CNTN3: variants seen among roughly 807,000 people sequenced by gnomAD.
CNTN3 encodes contactin 3.
In CNTN3, 60 loss-of-function variants were observed where a neutral mutation model predicts 119.1. That is an observed-to-expected ratio of 0.50 (90% CI 0.41 to 0.62). The LOEUF (loss-of-function observed/expected upper bound fraction) is 0.62. Ranked by LOEUF, CNTN3 falls within the 20% of genes least tolerant of loss-of-function variation. The pLI is 0.00. For synonymous variants in CNTN3, 450 were observed against 438.7 expected (o/e 1.03, Z -0.32); for missense variants, 1,101 against 1,242.4 (o/e 0.89, Z 1.71).
chr3:74,344,526 C>G (rs1703639202), intron 11 of CNTN3, among the ~76,000 whole-genome samples: 1 of 135,188 alleles, frequency 7.4e-6, no homozygotes, highest in African/African-American at 2.8e-5. Context: ...CCCGAGTTCA[C>G]GCCATTCTCC....
chr3:74,459,655 T>A (rs954090672), intron 4 of CNTN3, among the ~76,000 whole-genome samples: 1 of 151,952 alleles, frequency 6.6e-6, no homozygotes, highest in Non-Finnish European at 1.5e-5. Context: ...GCTGAAACTC[T>A]TTTCCTCTAC....
intron 22 of CNTN3, 104 bp downstream of exon 22, chr3:74,266,377 G>C: frequency 8.3e-7 from 1 of 1,205,456 alleles, no homozygotes; most frequent in South Asian, 1.6e-5. Flanking sequence ...TTGGATGTAA[G>C]CCTTGCTGGA....
At chr3:74,593,332 T>C (rs773714316) in intron 1 of CNTN3, among the ~76,000 whole-genome samples, 1 of 151,974 alleles carries the variant, frequency 6.6e-6, no homozygotes, top group Non-Finnish European at 1.5e-5. Flanking sequence ...ATTTTCTCTA[T>C]TGTTTCGTAA....
rs150208536 is a variant in CNTN3 at position 74,368,767 on chromosome 3, G to T, written c.946+422C>A. The stretch of plus-strand genomic sequence containing the variant: ...ACAAGAGCCAGAGTTCACGTGGTTT[G>T]TTTAATACAGTAATTGCAACTTTTC... On this transcript the variant is annotated intron_variant, in intron 8 of 22. Coordinates refer to ENST00000263665, the MANE Select transcript of CNTN3 (RefSeq NM_020872.3). Among the ~76,000 whole-genome samples the T allele has an allele frequency of 9.9e-3, 1,489 of 150,366 alleles. 10 individuals are homozygous for T. Among genetic ancestry groups the T allele is most frequent in the East Asian group, 0.026 (135 of 5,098 alleles).
chr3:74,375,406 G>A (rs1470872946), intron 5 of CNTN3, among the ~76,000 whole-genome samples: 2 of 152,064 alleles, frequency 1.3e-5, no homozygotes, highest in South Asian at 2.1e-4. Context: ...GGTGGGGTAG[G>A]CAGAATAAAT....
At chr3:74,326,081 G>T (rs1160528895) in intron 13 of CNTN3, among the ~76,000 whole-genome samples, 1 of 152,050 alleles carries the variant, frequency 6.6e-6, no homozygotes, top group Non-Finnish European at 1.5e-5. Flanking sequence ...ATGTGTGCCT[G>T]CTTTATTTCA....
At chr3:74,504,459 T>TG (rs1372863329) in intron 2 of CNTN3, among the ~76,000 whole-genome samples, 2 of 152,172 alleles carry the variant, frequency 1.3e-5, no homozygotes, top group African/African-American at 4.8e-5. Context: ...TTTTAAAAGA[T>TG]GGAAACTTTT....
chr3:74,423,162 C>T (rs1041945975), intron 5 of CNTN3, among the ~76,000 whole-genome samples: 5 of 152,180 alleles, frequency 3.3e-5, no homozygotes, highest in East Asian at 1.9e-4. Flanking sequence ...CTGAATCCAA[C>T]GGATTGAGTT....
intron 1 of CNTN3, among the ~76,000 whole-genome samples, chr3:74,596,506 A>G (rs977578456): frequency 1.3e-5 from 2 of 152,146 alleles, no homozygotes; most frequent in Non-Finnish European, 2.9e-5. Context: ...TCAATGCAAC[A>G]GAACAGAGCC....
At chr3:74,442,312 A>G (rs891687514) in intron 4 of CNTN3, among the ~76,000 whole-genome samples, 5 of 152,084 alleles carry the variant, frequency 3.3e-5, no homozygotes, top group African/African-American at 7.2e-5. Flanking sequence ...GCTAAGGTCT[A>G]TCACTAAACA....
At chr3:74,499,057 T>C (rs940060996) in intron 3 of CNTN3, among the ~76,000 whole-genome samples, 1 of 107,648 alleles carries the variant, frequency 9.3e-6, no homozygotes, top group South Asian at 3.8e-4. Flanking sequence ...GGTGGGAGTA[T>C]GGATTTTTTT....
At chr3:74,558,584 C>A (rs563700125) in intron 1 of CNTN3, among the ~76,000 whole-genome samples, 1 of 152,200 alleles carries the variant, frequency 6.6e-6, no homozygotes, top group Non-Finnish European at 1.5e-5. Context: ...GTGTATTAAA[C>A]CTGAATTTGA....
Position 74,486,579 on chromosome 3 carries a change from A to G in CNTN3, c.235T>C (p.Leu79=), listed in dbSNP as rs1276484305. The G allele has an allele frequency of 1.9e-6, 3 of 1,608,602 alleles. No homozygotes were observed. The highest frequency in any genetic ancestry group is 8.5e-7 in the Non-Finnish European group (1 of 1,178,852). Residue 79 remains leucine, a synonymous_variant, in exon 4 of 23, where the codon TTG becomes CTG. Transcript: ENST00000263665. ...IDMSMEHRYK[L]NGGNLVVINP... is the part of the protein sequence containing the mutation. ...ATAACCACAAGATTTCCTCCATTCA[A>G]CTTATAACGATGTTCCATACTCATA...
chr3:74,327,216 C>T (rs1318766909), intron 13 of CNTN3, among the ~76,000 whole-genome samples: 1 of 151,040 alleles, frequency 6.6e-6, no homozygotes, highest in Non-Finnish European at 1.5e-5. Flanking sequence ...GCAACCTCTC[C>T]CTCCTGAGTT....
intron 12 of CNTN3, among the ~76,000 whole-genome samples, 175 bp downstream of exon 12, chr3:74,336,356 T>G (rs1559552751): frequency 6.6e-6 from 1 of 152,174 alleles, no homozygotes; most frequent in Non-Finnish European, 1.5e-5. Context: ...CACACTGTGC[T>G]GTGCTAAGGA....
intron 13 of CNTN3, among the ~76,000 whole-genome samples, chr3:74,324,473 C>T (rs573224994): frequency 5.4e-4 from 82 of 152,208 alleles, no homozygotes; most frequent in Middle Eastern, 6.8e-3. Context: ...TGAGCCACCA[C>T]GCTCGGCCAA....
At position 74,429,235 on chromosome 3, in the gene CNTN3, T is replaced by C. The variant is rs138360849; in HGVS notation, c.359-4295A>G. Among the ~76,000 whole-genome samples, 963 of 152,094 alleles carry C rather than the reference T, an allele frequency of 6.3e-3. 23 individuals are homozygous for C. Among genetic ancestry groups the C allele is most frequent in the African/African-American group, 0.022 (924 of 41,492 alleles). On this transcript the variant is annotated intron_variant, in intron 4 of 22. Transcript: ENST00000263665. The stretch of plus-strand genomic sequence containing the variant: ...GTAAAGGCACAGGACTTAGAATGTG[T>C]AAAACTATCTAGACTAAAAACAAAG...
At position 74,304,830 on chromosome 3, in the gene CNTN3, AT is replaced by A. The variant is rs1286203749; in HGVS notation, c.1669-2024del. On this transcript the variant is annotated intron_variant, in intron 13 of 22. Coordinates refer to ENST00000263665, the MANE Select transcript of CNTN3 (RefSeq NM_020872.3). Reference sequence around the variant, plus strand: ...ACTAAAACAAGTAGAATTGGAAATGATTTTTTTTCAGCCCCAACATGGAATT... The same window carrying A: ...ACTAAAACAAGTAGAATTGGAAATGATTTTTTTCAGCCCCAACATGGAATT... Among the ~76,000 whole-genome samples, 3 of 152,042 alleles carry A rather than the reference AT, an allele frequency of 2.0e-5. No individual in the cohort carries two copies. The East Asian group carries it at 5.8e-4, about 29-fold the overall frequency.
intron 5 of CNTN3, among the ~76,000 whole-genome samples, chr3:74,393,773 A>C (rs2106834196): frequency 6.6e-6 from 1 of 152,322 alleles, no homozygotes; most frequent in South Asian, 2.1e-4. Flanking sequence ...CAGTGTGCCA[A>C]GTTTCCCTGT....
Sources: gnomAD v4.1 joint callset for allele counts (sites outside exome capture counted in the v4.1 genomes callset) on GRCh38, gnomAD v4.1.1 for gene constraint, MANE v1.5 for transcripts, NCBI Gene and HGNC (gene_info 2026-07-23, HGNC 2026-07-21) for gene names.